PIK3C2G: variants seen among roughly 807,000 people sequenced by gnomAD.
PIK3C2G encodes the protein phosphatidylinositol 3-kinase C2 domain-containing subunit gamma.
PIK3C2G carries 168 observed loss-of-function variants against 181.1 expected under a neutral mutation model. The observed-to-expected ratio is 0.93, with a 90% CI of 0.82 to 1.05. The LOEUF is 1.05. Among genes scored for constraint, PIK3C2G ranks in the 50% least tolerant of loss-of-function variants. The pLI, the probability that PIK3C2G is intolerant of heterozygous loss-of-function variation, is 0.00. For missense variants in PIK3C2G, 1,869 were observed against 1,732.8 expected, an observed-to-expected ratio of 1.08 and a Z score of -1.40; for synonymous variants, 573 against 592.2, an observed-to-expected ratio of 0.97 and a Z score of 0.47.
the PIK3C2G span, among the ~76,000 whole-genome samples, chr12:18,664,155 C>G: frequency 6.6e-6 from 1 of 152,144 alleles, no homozygotes; most frequent in East Asian, 1.9e-4. Context: ...AGAATTGGAA[C>G]GCTTATGTAC....
intron 27 of PIK3C2G, 55 bp from the exon 28 acceptor site, chr12:18,563,322 T>G: frequency 6.5e-7 from 1 of 1,530,344 alleles, no homozygotes; most frequent in Non-Finnish European, 8.9e-7. Context: ...GGTTTTAGAG[T>G]GTATCACAGG....
intron 29 of PIK3C2G, among the ~76,000 whole-genome samples, chr12:18,579,482 T>C (rs1043767429): frequency 1.3e-5 from 2 of 152,124 alleles, no homozygotes; most frequent in Admixed American, 6.5e-5. Context: ...GTTCTAAAGA[T>C]ACAAGAGCAG....
intron 1 of PIK3C2G, among the ~76,000 whole-genome samples, chr12:18,277,810 C>CTGAT (rs1347890781): frequency 1.3e-5 from 2 of 152,048 alleles, no homozygotes; most frequent in African/African-American, 4.8e-5. Flanking sequence ...TGTCCTTTTT[C>CTGAT]TGATAGGTGT....
chr12:18,375,180 A>G (rs1364579804), intron 13 of PIK3C2G, among the ~76,000 whole-genome samples: 1 of 152,186 alleles, frequency 6.6e-6, no homozygotes, highest in African/African-American at 2.4e-5. Flanking sequence ...AAAGTTTGGG[A>G]TTTCTGAGAG....
At chr12:18,257,249 G>A (rs1179935159), upstream of PIK3C2G, among the ~76,000 whole-genome samples, 1 of 152,118 alleles carries the variant, frequency 6.6e-6, no homozygotes. Flanking sequence ...GTGGAAACAG[G>A]TTAAGAAAAG....
rs754263495 is a variant in PIK3C2G at position 18,562,894 on chromosome 12, T to C, written c.3780+2T>C. ...GGGTTCAGCAAGAAATCCAGTAATGTAAGTTTAAAGTCCGTCATCTTGACT... is the reference window on the plus strand; with the variant it reads ...GGGTTCAGCAAGAAATCCAGTAATGCAAGTTTAAAGTCCGTCATCTTGACT... On this transcript the variant is annotated splice_donor_variant, in intron 27 of 32. Coordinates refer to ENST00000538779, the MANE Select transcript of PIK3C2G (RefSeq NM_001288772.2). LOFTEE classifies it high-confidence loss of function. 6.3e-6 allele frequency: 10 copies of C among 1,584,524 alleles called. No homozygotes were observed. The highest frequency in any genetic ancestry group is 6.0e-6 in the Non-Finnish European group (7 of 1,162,258).
At chr12:18,428,335 T>TAA (rs558543703) in intron 18 of PIK3C2G, among the ~76,000 whole-genome samples, 2 of 141,938 alleles carry the variant, frequency 1.4e-5, no homozygotes, top group Non-Finnish European at 3.1e-5. Flanking sequence ...AAGTCTTATT[T>TAA]AAAAAAAAAA....
At chr12:18,363,315 T>A (rs753148783) in intron 12 of PIK3C2G, among the ~76,000 whole-genome samples, 17 of 152,044 alleles carry the variant, frequency 1.1e-4, no homozygotes, top group African/African-American at 4.1e-4. Flanking sequence ...AACAATCAAG[T>A]TTTTTTGACA....
intron 25 of PIK3C2G, 23 bp downstream of exon 25, chr12:18,538,335 AC>A (rs774528990): frequency 4.4e-6 from 7 of 1,573,144 alleles, no homozygotes; most frequent in South Asian, 1.2e-5. Flanking sequence ...GGAAAAAAAA[AC>A]AAAAATAATA....
At chr12:18,436,657 C>T (rs1366485416) in intron 18 of PIK3C2G, among the ~76,000 whole-genome samples, 1 of 151,824 alleles carries the variant, frequency 6.6e-6, no homozygotes, top group African/African-American at 2.4e-5. Flanking sequence ...GTTAATTTAC[C>T]TTGACTACTA....
At chr12:18,270,576 T>G (rs1307483524) in intron 1 of PIK3C2G, among the ~76,000 whole-genome samples, 1 of 152,196 alleles carries the variant, frequency 6.6e-6, no homozygotes, top group Non-Finnish European at 1.5e-5. Context: ...CAATGTTTAT[T>G]GGACCAGTAT....
the PIK3C2G span, among the ~76,000 whole-genome samples, chr12:18,654,792 G>A: frequency 2.0e-5 from 3 of 152,266 alleles, no homozygotes; most frequent in Admixed American, 2.0e-4. Flanking sequence ...TTGAACAAGG[G>A]ATAAGTGACA....
the PIK3C2G span, chr12:18,714,961 A>G: frequency 6.6e-6 from 1 of 152,070 alleles, no homozygotes; most frequent in East Asian, 1.9e-4. Context: ...TAGTTTTTCC[A>G]AACAGAAGCA....
chr12:18,640,499 G>A lies in PIK3C2G; in HGVS notation c.4253G>A (p.Arg1418His), dbSNP rs202143029. 305 of 1,606,332 alleles carry A rather than the reference G, an allele frequency of 1.9e-4. No individual in the cohort carries two copies. The African/African-American group carries it at 3.1e-3, about 16-fold the overall frequency. The change falls in exon 32 of 33, where the codon CGT becomes CAT. Residue 1418 changes from arginine to histidine, a missense_variant. Coordinates refer to ENST00000538779, the MANE Select transcript of PIK3C2G (RefSeq NM_001288772.2). ...CTTTTACCATATCCCAGTGAAGTTC[G>A]TAGGAGGAAAACAAAATCTGTTCCA... ...FYLLPYPSEV[R>H]RRKTKSVPKC...
At chr12:18,524,043 G>A (rs1943078299) in intron 24 of PIK3C2G, among the ~76,000 whole-genome samples, 1 of 152,212 alleles carries the variant, frequency 6.6e-6, no homozygotes, top group Admixed American at 6.5e-5. Context: ...CACAATCTGT[G>A]TGCTGGTGGC....
rs76267905 is a variant in PIK3C2G at position 18,524,036 on chromosome 12, A to G, written c.3324-14120A>G. Reference sequence around the variant, plus strand: ...TGGCCAGATGAAGAGCAACCCCCACAATCTGTGTGCTGGTGGCTGAGAGCC... The same window carrying G: ...TGGCCAGATGAAGAGCAACCCCCACGATCTGTGTGCTGGTGGCTGAGAGCC... On this transcript the variant is annotated intron_variant, in intron 24 of 32. Coordinates refer to ENST00000538779, the MANE Select transcript of PIK3C2G (RefSeq NM_001288772.2). Among the ~76,000 whole-genome samples the G allele has an allele frequency of 6.1e-3, 924 of 152,264 alleles. 2 individuals carry two copies. Among genetic ancestry groups the G allele is most frequent in the Middle Eastern group, 0.01 (3 of 294 alleles).
At chr12:18,389,026 C>T (rs957476279) in intron 14 of PIK3C2G, among the ~76,000 whole-genome samples, 1 of 152,152 alleles carries the variant, frequency 6.6e-6, no homozygotes, top group Non-Finnish European at 1.5e-5. Context: ...GCAATGTTGA[C>T]ATTTGAATAG....
chr12:18,411,798 T>A (rs1944880177), intron 16 of PIK3C2G, among the ~76,000 whole-genome samples: 1 of 152,202 alleles, frequency 6.6e-6, no homozygotes, highest in African/African-American at 2.4e-5. Context: ...TCTTTGCTTT[T>A]CAGTTTACTC....
At chr12:18,568,212 T>A (rs1945737068) in intron 29 of PIK3C2G, among the ~76,000 whole-genome samples, 1 of 152,142 alleles carries the variant, frequency 6.6e-6, no homozygotes, top group Non-Finnish European at 1.5e-5. Context: ...GTAGGGGGTA[T>A]TATTCTGCCT....
Sources: gnomAD v4.1 joint callset for allele counts (sites outside exome capture counted in the v4.1 genomes callset) on GRCh38, gnomAD v4.1.1 for gene constraint, MANE v1.5 for transcripts, NCBI Gene and HGNC (gene_info 2026-07-23, HGNC 2026-07-21) for gene names.